The following NXPE4 variants were observed in gnomAD, a reference collection of about 807,000 sequenced individuals.
The protein encoded by NXPE4 is neurexophilin and PC-esterase domain family member 4, also known as NXPE family member 4.
Under a neutral mutation model 33.3 loss-of-function variants are expected in NXPE4, and 42 were observed. That is an observed-to-expected ratio of 1.26 (90% CI 0.98 to 1.63). NXPE4 has a LOEUF of 1.63. NXPE4 is among the 40% of genes most tolerant of loss of function. The pLI, the probability that NXPE4 is intolerant of heterozygous loss-of-function variation, is 0.00. For missense variants in NXPE4, 709 were observed against 647.6 expected, an observed-to-expected ratio of 1.09 and a Z score of -1.03; for synonymous variants, 253 against 234.9, an observed-to-expected ratio of 1.08 and a Z score of -0.71.
At chr11:114,603,203 A>C in the NXPE4 span, among the ~76,000 whole-genome samples, 2 of 151,892 alleles carry the variant, frequency 1.3e-5, no homozygotes, top group Admixed American at 1.3e-4. Context: ...CTCGTCTCCT[A>C]GGTAACTCCT....
chr11:114,574,827 C>T (rs1445169948), intron 5 of NXPE4, among the ~76,000 whole-genome samples: 1 of 152,066 alleles, frequency 6.6e-6, no homozygotes, highest in African/African-American at 2.4e-5. Flanking sequence ...GGAATCCTCC[C>T]TAAATAATTC....
the NXPE4 span, among the ~76,000 whole-genome samples, chr11:114,627,356 A>G: frequency 8.8e-3 from 1,324 of 150,992 alleles, 19 homozygotes; most frequent in African/African-American, 0.029. Flanking sequence ...GAGAGTGGGG[A>G]CCAATATTCA....
At chr11:114,572,849 A>G (rs997379320) in intron 5 of NXPE4, among the ~76,000 whole-genome samples, 1 of 152,220 alleles carries the variant, frequency 6.6e-6, no homozygotes, top group East Asian at 1.9e-4. Context: ...TCCAAATACA[A>G]GCAGCTCAAA....
At chr11:114,674,090 A>AACAAAC in the NXPE4 span, among the ~76,000 whole-genome samples, 3 of 131,778 alleles carry the variant, frequency 2.3e-5, no homozygotes, top group Non-Finnish European at 5.0e-5. Context: ...ACATTGTTTA[A>AACAAAC]AAACAAACAA....
the NXPE4 span, among the ~76,000 whole-genome samples, chr11:114,625,345 GGTGT>G: frequency 6.6e-6 from 1 of 151,404 alleles, no homozygotes; most frequent in African/African-American, 2.4e-5. Context: ...ACTGTTACTG[GGTGT>G]ATAATAAGTA....
the NXPE4 span, among the ~76,000 whole-genome samples, chr11:114,638,172 C>A: frequency 6.6e-6 from 1 of 151,784 alleles, no homozygotes; most frequent in Non-Finnish European, 1.5e-5. Context: ...TCTTTTTATT[C>A]TTTTTTCTCT....
At chr11:114,635,248 T>C in the NXPE4 span, among the ~76,000 whole-genome samples, 1 of 150,318 alleles carries the variant, frequency 6.7e-6, no homozygotes, top group Admixed American at 6.7e-5. Flanking sequence ...AGTTCACTCA[T>C]GATTTGGCTC....
chr11:114,612,471 C>G, the NXPE4 span, among the ~76,000 whole-genome samples: 1 of 151,612 alleles, frequency 6.6e-6, no homozygotes, highest in South Asian at 2.1e-4. Context: ...AGTGTTGCCT[C>G]ATGGGAAACC....
At chr11:114,636,214 T>G in the NXPE4 span, among the ~76,000 whole-genome samples, 4 of 152,086 alleles carry the variant, frequency 2.6e-5, no homozygotes, top group East Asian at 1.9e-4. Context: ...GTCGAGGAAT[T>G]TATCCATTTT....
At chr11:114,592,568 T>C (rs963304243) in intron 2 of NXPE4, among the ~76,000 whole-genome samples, 2 of 151,796 alleles carry the variant, frequency 1.3e-5, no homozygotes, top group African/African-American at 4.8e-5. Flanking sequence ...TCCATGTTAA[T>C]GGGTTAGAAG....
At chr11:114,583,889 G>A (rs1949217182) in intron 2 of NXPE4, 1 of 392,402 alleles carries the variant, frequency 2.5e-6, no homozygotes, top group Non-Finnish European at 5.0e-6. Context: ...GGACTTATGG[G>A]TTATTGGGGC....
At chr11:114,576,466 A>G (rs1355777058) in intron 5 of NXPE4, among the ~76,000 whole-genome samples, 2 of 152,264 alleles carry the variant, frequency 1.3e-5, no homozygotes, top group East Asian at 3.9e-4. Context: ...CAAAGGGCTC[A>G]TATCCAGAAT....
rs1176093090 is a variant in NXPE4 at position 114,575,288 on chromosome 11, A to T, written c.1100-3815T>A. Among the ~76,000 whole-genome samples, 5 of 152,246 alleles carry T rather than the reference A, an allele frequency of 3.3e-5. No homozygotes were observed. The East Asian group carries it at 9.6e-4, about 29-fold the overall frequency. On this transcript the variant is annotated intron_variant, in intron 5 of 5. Transcript: ENST00000375478. Reference sequence around the variant, plus strand: ...TCCCTCTGAGAACTGGAACAAGACAAGAATGCCCATTCTCACCACCTATCT... The same window carrying T: ...TCCCTCTGAGAACTGGAACAAGACATGAATGCCCATTCTCACCACCTATCT...
At chr11:114,662,184 C>G in the NXPE4 span, among the ~76,000 whole-genome samples, 1 of 152,072 alleles carries the variant, frequency 6.6e-6, no homozygotes, top group African/African-American at 2.4e-5. Flanking sequence ...CACCATCAAC[C>G]CCCAGCATTG....
chr11:114,623,693 G>A, the NXPE4 span, among the ~76,000 whole-genome samples: 2 of 152,042 alleles, frequency 1.3e-5, no homozygotes, highest in African/African-American at 4.8e-5. Context: ...TGCCTCGTGG[G>A]AAAACAGTGT....
chr11:114,650,504 C>A, the NXPE4 span, among the ~76,000 whole-genome samples: 2 of 152,184 alleles, frequency 1.3e-5, no homozygotes, highest in South Asian at 4.1e-4. Context: ...GCATAAAGCC[C>A]TGGCCTTAAG....
chr11:114,627,695 A>C, the NXPE4 span, among the ~76,000 whole-genome samples: 2 of 152,106 alleles, frequency 1.3e-5, no homozygotes, highest in Non-Finnish European at 2.9e-5. Context: ...TAAATGGACT[A>C]AATGCTCCAA....
chr11:114,612,231 C>T, the NXPE4 span, among the ~76,000 whole-genome samples: 2 of 151,926 alleles, frequency 1.3e-5, no homozygotes, highest in African/African-American at 4.8e-5. Flanking sequence ...TCTATGGTAA[C>T]CACTGTTACA....
At chr11:114,670,227 T>C in the NXPE4 span, among the ~76,000 whole-genome samples, 53 of 152,046 alleles carry the variant, frequency 3.5e-4, no homozygotes, top group East Asian at 9.7e-3. Context: ...TAACAACAGA[T>C]GGAGAGAGCT....
Sources: gnomAD v4.1 joint callset for allele counts (sites outside exome capture counted in the v4.1 genomes callset) on GRCh38, gnomAD v4.1.1 for gene constraint, MANE v1.5 for transcripts, NCBI Gene and HGNC (gene_info 2026-07-23, HGNC 2026-07-21) for gene names.